The following ADK variants were observed in gnomAD, a reference collection of about 807,000 sequenced individuals.
ADK encodes adenosine kinase.
In ADK, 24 loss-of-function variants were observed where a neutral mutation model predicts 44.7. The ratio of observed to expected loss-of-function variants is 0.54; its 90% CI spans 0.39 to 0.76. The LOEUF is 0.76. Ranked by LOEUF, ADK falls within the 30% of genes least tolerant of loss-of-function variation. ADK has a pLI of 0.00. For missense variants in ADK, 321 were observed against 425.1 expected (o/e 0.76, Z 2.15); for synonymous variants, 128 against 142.6 (o/e 0.90, Z 0.73).
chr10:74,702,570 T>TCCTTCCTTCCTC lies in ADK; in HGVS notation c.965-5748_965-5747insTCCTTCCTCCCT, dbSNP rs760455986. Among the ~76,000 whole-genome samples, 676 of 146,340 alleles carry TCCTTCCTTCCTC rather than the reference T, an allele frequency of 4.6e-3. 7 individuals carry two copies. Among genetic ancestry groups the TCCTTCCTTCCTC allele is most frequent in the Non-Finnish European group, 7.6e-3 (503 of 66,472 alleles). ...TTCCTTCCTTCCTTCCTTCCTTCCT[T>TCCTTCCTTCCTC]CCTCTCTCTCTCTCTGGTCTCTTTC... On this transcript the variant is annotated intron_variant, in intron 10 of 10. Transcript: ENST00000539909.
chr10:74,281,244 T>A (rs1430168599), intron 3 of ADK, among the ~76,000 whole-genome samples: 1 of 152,274 alleles, frequency 6.6e-6, no homozygotes. Context: ...ACTTAACAGA[T>A]ACCCATGTGC....
chr10:74,234,347 C>T (rs1436723143), intron 3 of ADK, among the ~76,000 whole-genome samples: 2 of 152,180 alleles, frequency 1.3e-5, no homozygotes, highest in African/African-American at 2.4e-5. Flanking sequence ...ATATTGTAAT[C>T]ATTCCCATTT....
intron 4 of ADK, among the ~76,000 whole-genome samples, chr10:74,320,471 A>T (rs185596848): frequency 6.6e-6 from 1 of 152,150 alleles, no homozygotes; most frequent in Non-Finnish European, 1.5e-5. Flanking sequence ...TTTAGAGCTT[A>T]TTAAATTCAT....
chr10:74,631,418 GT>G, intron 9 of ADK, among the ~76,000 whole-genome samples: 1 of 145,288 alleles, frequency 6.9e-6, no homozygotes, highest in African/African-American at 2.5e-5. Context: ...CTAATTTTTT[GT>G]TTTGTTTTTT....
chr10:74,476,422 G>A (rs1846844888), intron 6 of ADK, among the ~76,000 whole-genome samples: 1 of 151,782 alleles, frequency 6.6e-6, no homozygotes, highest in Non-Finnish European at 1.5e-5. Flanking sequence ...AACCTGGGAG[G>A]CAGAGGTTGC....
intron 10 of ADK, among the ~76,000 whole-genome samples, chr10:74,684,098 G>T (rs1244555858): frequency 6.6e-6 from 1 of 152,192 alleles, no homozygotes; most frequent in East Asian, 1.9e-4. Context: ...ATTGTCATCT[G>T]TCAGGGTTGT....
chr10:74,321,115 C>T (rs1477968947), intron 4 of ADK, among the ~76,000 whole-genome samples: 2 of 152,068 alleles, frequency 1.3e-5, no homozygotes, highest in Non-Finnish European at 2.9e-5. Flanking sequence ...ATTTAACTTA[C>T]CTATAGTATT....
At chr10:74,346,512 C>T (rs1237373373) in intron 4 of ADK, among the ~76,000 whole-genome samples, 2 of 151,618 alleles carry the variant, frequency 1.3e-5, no homozygotes, top group Non-Finnish European at 2.9e-5. Flanking sequence ...AATTTTAAAA[C>T]CAGAAAGACA....
At chr10:74,628,071 C>G (rs1183590323) in intron 9 of ADK, among the ~76,000 whole-genome samples, 1 of 152,120 alleles carries the variant, frequency 6.6e-6, no homozygotes, top group East Asian at 1.9e-4. Flanking sequence ...AGAACCCAAC[C>G]CAGCATGCCA....
At chr10:74,484,587 G>GA (rs1157303640) in intron 6 of ADK, among the ~76,000 whole-genome samples, 4 of 152,070 alleles carry the variant, frequency 2.6e-5, no homozygotes, top group Admixed American at 6.6e-5. Context: ...AGATTTTTGT[G>GA]AAACTTTACC....
chr10:74,415,444 TAAAC>T (rs1377530821), intron 6 of ADK, among the ~76,000 whole-genome samples: 7 of 152,352 alleles, frequency 4.6e-5, no homozygotes, highest in Non-Finnish European at 7.4e-5. Context: ...AAACTGGACA[TAAAC>T]AATCAAGTGT....
rs10710680 is a variant in ADK, at chr10:74,166,686, C to CA, written c.65+15358dup. Among the ~76,000 whole-genome samples the CA allele has an allele frequency of 8.2e-4, 83 of 101,018 alleles. 1 individual carries two copies. The highest frequency in any genetic ancestry group is 3.8e-3 in the East Asian group (11 of 2,898). The allele number at this position is 101,018 out of a possible 152,430, so 66.3% of individuals were successfully genotyped here. ...TGGGTGACAAAGTGAGACTCCGTCT[C>CA]AAAAAAAAAAAAAAAGAAAAAAAAA... On this transcript the variant is annotated intron_variant, in intron 1 of 10. Transcript: ENST00000539909.
chr10:74,434,715 G>C (rs1169043897), intron 6 of ADK, among the ~76,000 whole-genome samples: 1 of 152,176 alleles, frequency 6.6e-6, no homozygotes, highest in Non-Finnish European at 1.5e-5. Flanking sequence ...TGGAAAGTAA[G>C]ATAAACAACT....
chr10:74,517,319 A>T (rs943644336), intron 6 of ADK, among the ~76,000 whole-genome samples: 1 of 152,004 alleles, frequency 6.6e-6, no homozygotes, highest in African/African-American at 2.4e-5. Context: ...TTTTTGAGGG[A>T]GTTATGTGGG....
At chr10:74,235,950 A>G (rs1844942963) in intron 3 of ADK, among the ~76,000 whole-genome samples, 2 of 152,306 alleles carry the variant, frequency 1.3e-5, no homozygotes, top group Admixed American at 1.3e-4. Context: ...CCATGGGATA[A>G]TGCAGCAAGA....
At chr10:74,547,396 C>G (rs1849859477) in intron 7 of ADK, among the ~76,000 whole-genome samples, 1 of 149,292 alleles carries the variant, frequency 6.7e-6, no homozygotes, top group Non-Finnish European at 1.5e-5. Flanking sequence ...AATTCTTAAC[C>G]AATTGAAATA....
At chr10:74,409,262 A>G (rs1844076922) in intron 6 of ADK, among the ~76,000 whole-genome samples, 1 of 152,212 alleles carries the variant, frequency 6.6e-6, no homozygotes, top group East Asian at 1.9e-4. Context: ...TTGAAATAAC[A>G]CTGTGAAGAA....
intron 6 of ADK, among the ~76,000 whole-genome samples, chr10:74,428,289 C>G (rs529490192): frequency 6.6e-6 from 1 of 152,124 alleles, no homozygotes; most frequent in Non-Finnish European, 1.5e-5. Flanking sequence ...AAAACTAAAG[C>G]TCTTCACTCA....
chr10:74,380,444 T>G (rs1200894213), intron 4 of ADK, among the ~76,000 whole-genome samples: 4 of 152,194 alleles, frequency 2.6e-5, no homozygotes, highest in Non-Finnish European at 5.9e-5. Flanking sequence ...GTAAGGTGGT[T>G]GTTTTTCTTT....
Sources: allele counts gnomAD v4.1 joint callset (sites outside exome capture counted in the v4.1 genomes callset), GRCh38; gene constraint gnomAD v4.1.1; transcripts MANE v1.5; gene names NCBI Gene and HGNC (gene_info 2026-07-23, HGNC 2026-07-21).